Variants in DCAF8L2 observed in about 807,000 individuals in gnomAD.
DCAF8L2 encodes DDB1 and CUL4 associated factor 8 like 2.
For missense variants in DCAF8L2, 430 were observed against 490.7 expected (o/e 0.88, Z 1.17); for synonymous variants, 200 against 190.9 (o/e 1.05, Z -0.39).
At chrX:27,472,273 C>T in the DCAF8L2 span, among the ~76,000 whole-genome samples, 1 of 111,771 alleles carries the variant, frequency 8.9e-6, no homozygotes. Context: ...TATCCCCCAT[C>T]CCCCTCTTTT....
intron 1 of DCAF8L2, among the ~76,000 whole-genome samples, chrX:27,624,703 C>T (rs903640105): frequency 1.8e-5 from 2 of 110,951 alleles, no homozygotes; most frequent in Non-Finnish European, 3.8e-5. Flanking sequence ...TAAATCTGGA[C>T]ACCTACAACC....
the DCAF8L2 span, among the ~76,000 whole-genome samples, chrX:27,548,695 G>T: frequency 9.0e-6 from 1 of 111,720 alleles, no homozygotes; most frequent in African/African-American, 3.3e-5. Context: ...AGGTTTGATT[G>T]GCTATTATTG....
chrX:27,686,502 A>G (rs1337840563), intron 3 of DCAF8L2, among the ~76,000 whole-genome samples: 1 of 110,467 alleles, frequency 9.1e-6, no homozygotes, highest in East Asian at 2.9e-4. Flanking sequence ...GCACATTCTC[A>G]CTCATATGTA....
At chrX:27,603,381 T>A (rs1926737130) in intron 1 of DCAF8L2, among the ~76,000 whole-genome samples, 1 of 111,832 alleles carries the variant, frequency 8.9e-6, no homozygotes, top group Non-Finnish European at 1.9e-5. Context: ...TTAAGAATTT[T>A]AAGTGCCCGG....
intron 1 of DCAF8L2, among the ~76,000 whole-genome samples, chrX:27,603,512 A>G (rs953895885): frequency 4.5e-4 from 51 of 112,111 alleles, no homozygotes; most frequent in African/African-American, 1.5e-3. Flanking sequence ...AAATCGCACT[A>G]AATACATTTG....
the DCAF8L2 span, among the ~76,000 whole-genome samples, chrX:27,541,228 A>T: frequency 8.9e-6 from 1 of 112,296 alleles, no homozygotes; most frequent in Admixed American, 9.4e-5. Context: ...ACAGCCATGT[A>T]GAAATATGAT....
intron 1 of DCAF8L2, among the ~76,000 whole-genome samples, chrX:27,609,597 C>G (rs1176130696): frequency 9.0e-6 from 1 of 111,716 alleles, no homozygotes; most frequent in Non-Finnish European, 1.9e-5. Flanking sequence ...CTTTACAGGT[C>G]ATCATCAGTG....
At chrX:27,653,969 T>C (rs1280891313) in intron 2 of DCAF8L2, among the ~76,000 whole-genome samples, 1 of 111,579 alleles carries the variant, frequency 9.0e-6, no homozygotes, top group Non-Finnish European at 1.9e-5. Flanking sequence ...TGCATAAATA[T>C]TCCGTTTCCC....
intron 2 of DCAF8L2, among the ~76,000 whole-genome samples, chrX:27,663,790 C>T (rs1929638934): frequency 9.2e-6 from 1 of 109,185 alleles, no homozygotes; most frequent in Admixed American, 9.9e-5. Flanking sequence ...CTCCACCTCC[C>T]AGATTCAAGC....
At chrX:27,494,874 T>G in the DCAF8L2 span, among the ~76,000 whole-genome samples, 5 of 111,712 alleles carry the variant, frequency 4.5e-5, no homozygotes, top group Non-Finnish European at 1.9e-5. Flanking sequence ...TAAATTAATT[T>G]TATTGCTCTT....
intron 2 of DCAF8L2, among the ~76,000 whole-genome samples, chrX:27,665,147 T>G (rs2147217415): frequency 9.0e-6 from 1 of 110,660 alleles, no homozygotes; most frequent in Non-Finnish European, 1.9e-5. Flanking sequence ...TTGAAATCAT[T>G]CTGGAAAGGA....
chrX:27,619,004 AATCTATCTATCT>A (rs57635575), intron 1 of DCAF8L2, among the ~76,000 whole-genome samples: 29 of 101,664 alleles, frequency 2.9e-4, no homozygotes, highest in Middle Eastern at 4.7e-3. Context: ...ATCTATATCT[AATCTATCTATCT>A]ATCTATCTAT....
chrX:27,473,618 AACTG>A, the DCAF8L2 span, among the ~76,000 whole-genome samples: 1 of 111,099 alleles, frequency 9.0e-6, no homozygotes, highest in Non-Finnish European at 1.9e-5. Flanking sequence ...TTTCTTTGGT[AACTG>A]ACTATTAATC....
At chrX:27,665,844 A>G (rs1365446734) in intron 2 of DCAF8L2, among the ~76,000 whole-genome samples, 2 of 111,857 alleles carry the variant, frequency 1.8e-5, no homozygotes, top group African/African-American at 6.5e-5. Flanking sequence ...TAAGGTATGT[A>G]CATTTTTTAG....
chrX:27,710,114 C>A (rs1323902063), intron 3 of DCAF8L2, among the ~76,000 whole-genome samples: 1 of 111,417 alleles, frequency 9.0e-6, no homozygotes, highest in Non-Finnish European at 1.9e-5. Context: ...CAGTGATTTT[C>A]TATCCATTTT....
the DCAF8L2 span, among the ~76,000 whole-genome samples, chrX:27,493,603 C>T: frequency 1.1e-4 from 12 of 105,167 alleles, no homozygotes; most frequent in African/African-American, 2.5e-4. Context: ...CCCAGCTACT[C>T]GGGAGGCTGA....
the DCAF8L2 span, among the ~76,000 whole-genome samples, chrX:27,488,827 T>G: frequency 2.5e-4 from 28 of 110,139 alleles, no homozygotes; most frequent in South Asian, 1.2e-3. Flanking sequence ...CACTAATTTT[T>G]TTTTTTGTTT....
At chrX:27,727,231 G>T (rs1414310261) in intron 4 of DCAF8L2, among the ~76,000 whole-genome samples, 1 of 110,534 alleles carries the variant, frequency 9.0e-6, no homozygotes, top group Non-Finnish European at 1.9e-5. Flanking sequence ...TTCTCACTTG[G>T]GTCTTCCAAC....
At chrX:27,713,503 T>C (rs1406887682) in intron 3 of DCAF8L2, among the ~76,000 whole-genome samples, 1 of 111,319 alleles carries the variant, frequency 9.0e-6, no homozygotes, top group Non-Finnish European at 1.9e-5. Flanking sequence ...CACAAACCTT[T>C]TGAGGAGATT....
Sources: gnomAD v4.1 joint callset for allele counts (sites outside exome capture counted in the v4.1 genomes callset) on GRCh38, gnomAD v4.1.1 for gene constraint, MANE v1.5 for transcripts, NCBI Gene and HGNC (gene_info 2026-07-23, HGNC 2026-07-21) for gene names.